UBE2D2: variants seen among roughly 807,000 people sequenced by gnomAD.
UBE2D2 encodes ubiquitin-conjugating enzyme E2 D2.
Under a neutral mutation model 24.2 loss-of-function variants are expected in UBE2D2, and 2 were observed. The observed-to-expected ratio is 0.08, with a 90% CI of 0.03 to 0.26. The LOEUF (loss-of-function observed/expected upper bound fraction) is 0.26. Ranked by LOEUF, UBE2D2 falls within the 10% of genes least tolerant of loss-of-function variation. The pLI is 1.00. For synonymous variants in UBE2D2, 58 were observed against 56.5 expected, an observed-to-expected ratio of 1.03 and a Z score of -0.12; for missense variants, 44 against 177.6, an observed-to-expected ratio of 0.25 and a Z score of 4.28.
intron 1 of UBE2D2, among the ~76,000 whole-genome samples, chr5:139,574,135 CT>C (rs932474288): frequency 1.5e-4 from 22 of 144,140 alleles, no homozygotes; most frequent in African/African-American, 5.7e-4. Flanking sequence ...GGCTGGAGTG[CT>C]ATGGCGTGGT....
At chr5:139,550,683 C>G (rs546826486) in intron 1 of UBE2D2, among the ~76,000 whole-genome samples, 2 of 152,098 alleles carry the variant, frequency 1.3e-5, no homozygotes, top group African/African-American at 4.8e-5. Flanking sequence ...AGCCTCAATC[C>G]TGAGGCCACC....
chr5:139,528,492 C>G (rs773213713), intron 1 of UBE2D2, among the ~76,000 whole-genome samples: 1 of 152,210 alleles, frequency 6.6e-6, no homozygotes, highest in Non-Finnish European at 1.5e-5. Context: ...TGGCCTATCT[C>G]TCAAAACAAC....
chr5:139,610,664 G>A (rs1439520862), intron 2 of UBE2D2, among the ~76,000 whole-genome samples: 1 of 151,990 alleles, frequency 6.6e-6, no homozygotes, highest in African/African-American at 2.4e-5. Context: ...CTTGAGCATA[G>A]GAGTTCGAGA....
At chr5:139,602,956 G>C (rs1581522911) in intron 2 of UBE2D2, among the ~76,000 whole-genome samples, 2 of 152,146 alleles carry the variant, frequency 1.3e-5, no homozygotes. Context: ...TACACACGTT[G>C]TCTCATTTAA....
At chr5:139,552,163 CT>C (rs374137107) in intron 1 of UBE2D2, among the ~76,000 whole-genome samples, 5,621 of 142,524 alleles carry the variant, frequency 0.039, 121 homozygotes, top group African/African-American at 0.087. Context: ...TAATAGCTAA[CT>C]TTTTTTTTTT....
intron 1 of UBE2D2, 95 bp downstream of exon 1, chr5:139,561,910 G>C: frequency 7.1e-7 from 1 of 1,414,564 alleles, no homozygotes. Context: ...CGGCCTCCTT[G>C]GATCTTGCTG....
intron 1 of UBE2D2, among the ~76,000 whole-genome samples, chr5:139,541,109 C>T (rs1752755242): frequency 6.6e-6 from 1 of 151,736 alleles, no homozygotes; most frequent in East Asian, 1.9e-4. Context: ...AGCAGCCTGG[C>T]CAACATGGTG....
At position 139,536,993 on chromosome 5, in the gene UBE2D2, C is replaced by A. The variant is rs190454182; in HGVS notation, c.-64+10381C>A. Among the ~76,000 whole-genome samples, 312 of 152,078 alleles carry A rather than the reference C, an allele frequency of 2.1e-3. 1 individual carries two copies. Among genetic ancestry groups the A allele is most frequent in the African/African-American group, 7.3e-3 (301 of 41,512 alleles). On this transcript the variant is annotated intron_variant, in intron 1 of 6. Coordinates refer to the UBE2D2 transcript ENST00000511725. Reference sequence around the variant, plus strand: ...AGGAGATCGAGACCATCCTGGCTAACATGGTGAAACCCCGTTTCTACTAAA... The same window carrying A: ...AGGAGATCGAGACCATCCTGGCTAAAATGGTGAAACCCCGTTTCTACTAAA...
intron 1 of UBE2D2, among the ~76,000 whole-genome samples, chr5:139,537,207 A>C (rs1752695677): frequency 6.6e-6 from 1 of 151,882 alleles, no homozygotes; most frequent in Non-Finnish European, 1.5e-5. Context: ...AACAACAAAA[A>C]GTAATATACC....
At chr5:139,572,647 CTTTT>C (rs35460912) in intron 1 of UBE2D2, among the ~76,000 whole-genome samples, 1 of 137,930 alleles carries the variant, frequency 7.3e-6, no homozygotes, top group Admixed American at 7.4e-5. Context: ...AATTATTATT[CTTTT>C]TTTTTTTTTT....
intron 1 of UBE2D2, among the ~76,000 whole-genome samples, chr5:139,550,872 C>T (rs893681375): frequency 6.6e-6 from 1 of 152,172 alleles, no homozygotes; most frequent in Non-Finnish European, 1.5e-5. Context: ...GACATACCAT[C>T]TTTAAGAACT....
chr5:139,546,821 C>CTTTCTTTCTTT (rs1222885899), intron 1 of UBE2D2, among the ~76,000 whole-genome samples: 6 of 4,832 alleles, frequency 1.2e-3, no homozygotes, highest in Non-Finnish European at 1.7e-3. Flanking sequence ...TTTCTTTCTT[C>CTTTCTTTCTTT]CTTCCTTCCT....
At chr5:139,607,917 G>T (rs1275695108) in intron 2 of UBE2D2, among the ~76,000 whole-genome samples, 1 of 152,004 alleles carries the variant, frequency 6.6e-6, no homozygotes, top group Admixed American at 6.6e-5. Flanking sequence ...GTTGGCTGAC[G>T]TGGGAGGATT....
intron 1 of UBE2D2, among the ~76,000 whole-genome samples, chr5:139,527,696 C>G (rs553609582): frequency 6.6e-6 from 1 of 151,736 alleles, no homozygotes; most frequent in East Asian, 1.9e-4. Context: ...TGTAATAAGT[C>G]AAAAAGTTAA....
At chr5:139,576,206 G>A (rs1753465204) in intron 1 of UBE2D2, among the ~76,000 whole-genome samples, 1 of 152,142 alleles carries the variant, frequency 6.6e-6, no homozygotes, top group African/African-American at 2.4e-5. Flanking sequence ...CAAACCGGGT[G>A]GCTTAAAGTA....
chr5:139,615,641 T>C (rs1754406962), intron 5 of UBE2D2, among the ~76,000 whole-genome samples: 1 of 152,164 alleles, frequency 6.6e-6, no homozygotes, highest in Non-Finnish European at 1.5e-5. Context: ...CAAATGCCTA[T>C]GCTGTAAACA....
intron 5 of UBE2D2, among the ~76,000 whole-genome samples, chr5:139,618,989 T>TA (rs1189528094): frequency 2.6e-5 from 4 of 152,128 alleles, no homozygotes; most frequent in Non-Finnish European, 5.9e-5. Flanking sequence ...CCTAAATATT[T>TA]AAAAAACAAA....
intron 1 of UBE2D2, among the ~76,000 whole-genome samples, chr5:139,568,070 G>A (rs141335516): frequency 1.3e-5 from 2 of 152,106 alleles, no homozygotes; most frequent in Non-Finnish European, 2.9e-5. Context: ...GGCTGGGTGC[G>A]GTGGCTTATG....
chr5:139,584,533 C>CCT, intron 1 of UBE2D2, among the ~76,000 whole-genome samples: 1 of 133,066 alleles, frequency 7.5e-6, no homozygotes, highest in South Asian at 2.4e-4. Context: ...CTTTTCTTTT[C>CCT]TTTTTTTTTT....
Sources: allele counts gnomAD v4.1 joint callset (sites outside exome capture counted in the v4.1 genomes callset), GRCh38; gene constraint gnomAD v4.1.1; transcripts MANE v1.5; gene names NCBI Gene and HGNC (gene_info 2026-07-23, HGNC 2026-07-21).